Variants in NDC80 observed in about 807,000 individuals in gnomAD.
NDC80 encodes the protein NDC80 kinetochore complex component, also known as kinetochore protein NDC80 homolog.
Under a neutral mutation model 89.3 loss-of-function variants are expected in NDC80, and 69 were observed. That is an observed-to-expected ratio of 0.77 (90% CI 0.64 to 0.94). The LOEUF (loss-of-function observed/expected upper bound fraction) is 0.94. Ranked by LOEUF, NDC80 falls within the 40% of genes least tolerant of loss-of-function variation. The pLI is 0.00. For synonymous variants in NDC80, 243 were observed against 255.6 expected, an observed-to-expected ratio of 0.95 and a Z score of 0.47; for missense variants, 593 against 739.6, an observed-to-expected ratio of 0.80 and a Z score of 2.30.
In NDC80 at chr18:2,572,791, A is replaced by G. The variant is rs146165222; in HGVS notation, c.-9-186A>G. Among the ~76,000 whole-genome samples the G allele has an allele frequency of 5.2e-4, 79 of 152,364 alleles. No individual in the cohort carries two copies. In the East Asian group the frequency reaches 0.014, roughly 27 times the overall value. ...ATGTTGAATATTTTTAAATGGAATTAAATAGATGTTCCTTGCAAATGAGAA... is the reference window on the plus strand; with the variant it reads ...ATGTTGAATATTTTTAAATGGAATTGAATAGATGTTCCTTGCAAATGAGAA... On this transcript the variant is annotated intron_variant, in intron 1 of 16. Transcript: ENST00000261597.
chr18:2,572,734 C>CTATA (rs1320709582), intron 1 of NDC80, among the ~76,000 whole-genome samples: 1 of 152,218 alleles, frequency 6.6e-6, no homozygotes, highest in South Asian at 2.1e-4. Context: ...GCACACTCCC[C>CTATA]TATATATATA....
chr18:2,583,223 C>G (rs2072587111), intron 6 of NDC80, among the ~76,000 whole-genome samples: 1 of 152,212 alleles, frequency 6.6e-6, no homozygotes, highest in African/African-American at 2.4e-5. Flanking sequence ...TTTCAGTAGT[C>G]TTTTCTATAG....
intron 6 of NDC80, among the ~76,000 whole-genome samples, chr18:2,580,226 T>C (rs2072569424): frequency 6.6e-6 from 1 of 152,126 alleles, no homozygotes; most frequent in African/African-American, 2.4e-5. Context: ...TCTACTCTTC[T>C]GATTTTTTTT....
At position 2,602,196 on chromosome 18, in the gene NDC80, A is replaced by G. The variant is rs565779245; in HGVS notation, c.1464+711A>G. Among the ~76,000 whole-genome samples, 24 of 152,282 alleles carry G rather than the reference A, an allele frequency of 1.6e-4. No homozygotes were observed. The South Asian group carries it at 5.0e-3, about 32-fold the overall frequency. ...ATTTCAAGATATAAAATGAAATTTT[A>G]TGTTTTCTCAGAAGAGAAGCTTGTT... On this transcript the variant is annotated intron_variant, in intron 13 of 16. Transcript: ENST00000261597.
In NDC80 at chr18:2,589,244, A is replaced by G. The variant is rs2143644963; in HGVS notation, c.804A>G (p.Leu268=). ...TGGATGCTTTTAAGCTGGAATCATT[A>G]GAAGCAAAAAACAGAGCATTGAATG... ...FNVDAFKLES[L]EAKNRALNEQ... The change falls in exon 9 of 17, where the codon TTA becomes TTG. Residue 268 remains leucine, a synonymous_variant. Transcript: ENST00000261597. 3.1e-6 allele frequency: 5 copies of G among 1,613,920 alleles called. No homozygotes were observed. The highest frequency in any genetic ancestry group is 1.7e-4 in the Middle Eastern group (1 of 6,058).
chr18:2,592,097 A>T (rs1187617044), intron 10 of NDC80, among the ~76,000 whole-genome samples: 1 of 152,122 alleles, frequency 6.6e-6, no homozygotes, highest in Non-Finnish European at 1.5e-5. Context: ...CTTTCTTGTC[A>T]GCATATGATC....
intron 13 of NDC80, among the ~76,000 whole-genome samples, chr18:2,604,663 A>G (rs1302348003): frequency 6.6e-6 from 1 of 152,198 alleles, no homozygotes; most frequent in Non-Finnish European, 1.5e-5. Context: ...CCTAGGTGAC[A>G]AAGTGAGACC....
chr18:2,591,811 G>A (rs370643181), intron 10 of NDC80, among the ~76,000 whole-genome samples: 18 of 148,420 alleles, frequency 1.2e-4, no homozygotes, highest in African/African-American at 4.2e-4. Context: ...CTGAAGTGCA[G>A]TGGCACCATC....
intron 13 of NDC80, among the ~76,000 whole-genome samples, chr18:2,604,458 G>T (rs1048758317): frequency 6.6e-6 from 1 of 152,184 alleles, no homozygotes; most frequent in Non-Finnish European, 1.5e-5. Flanking sequence ...CAAGGCGGGT[G>T]GATGGCTTGA....
chr18:2,588,212 C>T (rs2072611256), intron 8 of NDC80, among the ~76,000 whole-genome samples: 1 of 152,154 alleles, frequency 6.6e-6, no homozygotes. Context: ...ATAATAAAGT[C>T]ATAATATACC....
At chr18:2,605,660 G>A (rs2072707665) in intron 13 of NDC80, among the ~76,000 whole-genome samples, 1 of 151,366 alleles carries the variant, frequency 6.6e-6, no homozygotes, top group South Asian at 2.1e-4. Flanking sequence ...AATAATAATA[G>A]CTTCACTAAA....
At chr18:2,611,011 G>T in intron 16 of NDC80, 150 bp downstream of exon 16, 1 of 376,452 alleles carries the variant, frequency 2.7e-6, no homozygotes, top group Non-Finnish European at 4.6e-6. Context: ...CTTGTCTAGT[G>T]ATGTGGCAAC....
At chr18:2,603,351 T>TTATA (rs1179070812) in intron 13 of NDC80, among the ~76,000 whole-genome samples, 4 of 80,940 alleles carry the variant, frequency 4.9e-5, no homozygotes, top group African/African-American at 2.0e-4. Context: ...GAGAATATGT[T>TTATA]TATACATATA....
At position 2,614,629 on chromosome 18, in the gene NDC80, GA is replaced by G. The variant is rs1367989363; in HGVS notation, c.1792-1805del. 2.8e-3 allele frequency among the ~76,000 whole-genome samples: 76 copies of G among 26,678 alleles called. 9 individuals are homozygous for G. The highest frequency in any genetic ancestry group is 0.017 in the South Asian group (6 of 352). The allele number at this position is 26,678 out of a possible 152,430, so 17.5% of individuals were successfully genotyped here. On this transcript the variant is annotated intron_variant, in intron 16 of 16. Coordinates refer to ENST00000261597, the MANE Select transcript of NDC80 (RefSeq NM_006101.3). ...AGAAAGAAAGAAAGAAAGAAAGAAA[GA>G]AAGAAAGAAAGAAAGAAAGAAAGAA...
chr18:2,590,255 T>C lies in NDC80; in HGVS notation c.1015+93T>C, dbSNP rs2072621080. On this transcript the variant is annotated intron_variant, in intron 10 of 16. Transcript: ENST00000261597. ...CTTTGTTATCCATATCTTTTGTTGT[T>C]CTGTGGTACATGCTTAGAGCAGGCT... 1.2e-5 allele frequency: 16 copies of C among 1,315,994 alleles called. No homozygotes were observed. In the South Asian group the frequency reaches 2.6e-4, roughly 21 times the overall value. 81.5% of individuals were successfully genotyped at this position (1,315,994 alleles called of 1,614,324 possible).
intron 4 of NDC80, 29 bp from the exon 5 acceptor site, chr18:2,577,940 C>T (rs778762547): frequency 2.5e-6 from 4 of 1,609,180 alleles, no homozygotes; most frequent in Middle Eastern, 1.7e-4. Context: ...CATTACAAAA[C>T]GTTTGGTGGT....
intron 14 of NDC80, 104 bp from the exon 15 acceptor site, chr18:2,608,596 C>A: frequency 8.1e-7 from 1 of 1,232,182 alleles, no homozygotes; most frequent in Admixed American, 2.4e-5. Context: ...ACAAATGATG[C>A]AACCTGATTT....
At chr18:2,579,465 T>C (rs1420960246) in intron 6 of NDC80, among the ~76,000 whole-genome samples, 3 of 152,192 alleles carry the variant, frequency 2.0e-5, no homozygotes, top group African/African-American at 7.2e-5. Flanking sequence ...TCTCGCTGTG[T>C]TGCCCAGGCT....
In NDC80 at chr18:2,613,620, C is replaced by T. The variant is rs138622430; in HGVS notation, c.1791+2759C>T. Among the ~76,000 whole-genome samples the T allele has an allele frequency of 2.2e-3, 335 of 152,290 alleles. 2 individuals are homozygous for T. The highest frequency in any genetic ancestry group is 9.7e-3 in the South Asian group (47 of 4,830). On this transcript the variant is annotated intron_variant, in intron 16 of 16. Transcript: ENST00000261597. ...GATGGATTCAGAAATTAATGTGAGG[C>T]TAACTTTTTTAACTTTTACGAGAAT... is the stretch of plus-strand genomic sequence containing the variant.
Sources: gnomAD v4.1 joint callset for allele counts (sites outside exome capture counted in the v4.1 genomes callset) on GRCh38, gnomAD v4.1.1 for gene constraint, MANE v1.5 for transcripts, NCBI Gene and HGNC (gene_info 2026-07-23, HGNC 2026-07-21) for gene names.